The following MDGA2 variants were observed in gnomAD, a reference collection of about 807,000 sequenced individuals.
MDGA2 encodes the protein MAM domain containing glycosylphosphatidylinositol anchor 2.
Under a neutral mutation model 117.8 loss-of-function variants are expected in MDGA2, and 40 were observed. The ratio of observed to expected loss-of-function variants is 0.34; its 90% CI spans 0.26 to 0.44. The LOEUF is 0.44. Ranked by LOEUF, MDGA2 falls within the 20% of genes least tolerant of loss-of-function variation. The pLI is 1.00. For missense variants in MDGA2, 1,123 were observed against 1,250.6 expected (o/e 0.90, Z 1.54); for synonymous variants, 452 against 439.0 (o/e 1.03, Z -0.37).
intron 10 of MDGA2, among the ~76,000 whole-genome samples, chr14:46,889,422 A>G (rs1315653095): frequency 6.6e-6 from 1 of 151,956 alleles, no homozygotes; most frequent in Non-Finnish European, 1.5e-5. Context: ...ATCTTGTATT[A>G]TTTTTCTTAA....
intron 8 of MDGA2, among the ~76,000 whole-genome samples, chr14:46,971,788 G>T (rs1886275727): frequency 6.6e-6 from 1 of 151,972 alleles, no homozygotes; most frequent in South Asian, 2.1e-4. Flanking sequence ...AATATTCAGG[G>T]TAATGGATAG....
intron 5 of MDGA2, among the ~76,000 whole-genome samples, chr14:47,130,835 T>G (rs1566641901): frequency 6.6e-6 from 1 of 152,086 alleles, no homozygotes; most frequent in Non-Finnish European, 1.5e-5. Context: ...CTTTTAGAGA[T>G]TTTTGTTTAA....
chr14:47,624,125 C>CGTA (rs564272520), intron 1 of MDGA2, among the ~76,000 whole-genome samples: 141 of 152,280 alleles, frequency 9.3e-4, no homozygotes, highest in East Asian at 7.1e-3. Flanking sequence ...GTGCTCACAA[C>CGTA]GTAGTAAGGT....
At chr14:47,567,029 T>C (rs1348454944) in intron 1 of MDGA2, among the ~76,000 whole-genome samples, 3 of 151,910 alleles carry the variant, frequency 2.0e-5, no homozygotes, top group Non-Finnish European at 2.9e-5. Context: ...CTCAGCATCC[T>C]GAGTAAATCA....
At chr14:47,526,969 T>A (rs1894985123) in intron 1 of MDGA2, among the ~76,000 whole-genome samples, 1 of 152,188 alleles carries the variant, frequency 6.6e-6, no homozygotes, top group South Asian at 2.1e-4. Context: ...GATTTTGGTA[T>A]GTCATTTTAA....
intron 3 of MDGA2, among the ~76,000 whole-genome samples, chr14:47,180,827 A>G (rs912674542): frequency 6.6e-6 from 1 of 152,156 alleles, no homozygotes; most frequent in African/African-American, 2.4e-5. Flanking sequence ...AGGATGAGGT[A>G]GGAGAATCGC....
Position 47,674,836 on chromosome 14 carries a change from A to T in MDGA2, c.-40T>A, listed in dbSNP as rs1426933973. On this transcript the variant is annotated 5_prime_UTR_variant, in exon 1 of 17. The change creates a new upstream start codon in the 5' untranslated region. Transcript: ENST00000399232. ...ACACACACTCACACACTCTCCCACAACACAATACCCTGACACACACTCACA... is the reference window on the plus strand; with the variant it reads ...ACACACACTCACACACTCTCCCACATCACAATACCCTGACACACACTCACA... 6 of 616,230 alleles carry T rather than the reference A, an allele frequency of 9.7e-6. No homozygotes were observed. Among genetic ancestry groups the T allele is most frequent in the Non-Finnish European group, 1.7e-5 (6 of 348,622 alleles). 38.2% of individuals were successfully genotyped at this position (616,230 alleles called of 1,614,324 possible). A position where few individuals can be genotyped will look rare whatever the true frequency, so the allele number is the denominator to read the frequency against.
At chr14:46,933,634 C>A (rs1884663667) in intron 9 of MDGA2, among the ~76,000 whole-genome samples, 1 of 150,974 alleles carries the variant, frequency 6.6e-6, no homozygotes, top group African/African-American at 2.4e-5. Flanking sequence ...TTAACATATA[C>A]AGAATTTGAG....
At chr14:46,851,992 G>A (rs3007132) in intron 15 of MDGA2, among the ~76,000 whole-genome samples, 151,587 of 151,828 alleles carry the variant, frequency 1, 75,675 homozygotes, top group Middle Eastern at 1. Context: ...GCATGGGATT[G>A]TTTAGTTGTG....
At chr14:47,607,466 T>C (rs1896762716) in intron 1 of MDGA2, among the ~76,000 whole-genome samples, 1 of 152,156 alleles carries the variant, frequency 6.6e-6, no homozygotes, top group African/African-American at 2.4e-5. Flanking sequence ...TTAGGCAAAA[T>C]AAAAATTTAA....
chr14:47,558,502 A>G (rs1895731182), intron 1 of MDGA2, among the ~76,000 whole-genome samples: 1 of 152,226 alleles, frequency 6.6e-6, no homozygotes, highest in African/African-American at 2.4e-5. Context: ...TCCAAAAATA[A>G]TAAGTAAACA....
intron 2 of MDGA2, among the ~76,000 whole-genome samples, chr14:47,222,020 G>C (rs1594735003): frequency 6.6e-6 from 1 of 151,814 alleles, no homozygotes; most frequent in Non-Finnish European, 1.5e-5. Context: ...TTATTAACTA[G>C]AGTCACCATT....
chr14:47,664,457 G>T (rs773652847), intron 1 of MDGA2, among the ~76,000 whole-genome samples: 6 of 152,136 alleles, frequency 3.9e-5, no homozygotes. Context: ...TAAAAATGCA[G>T]CCATAGTTTC....
At chr14:47,470,353 C>A (rs756201588) in intron 1 of MDGA2, among the ~76,000 whole-genome samples, 6 of 148,588 alleles carry the variant, frequency 4.0e-5, no homozygotes, top group Non-Finnish European at 8.9e-5. Context: ...CTTATAGGTG[C>A]GAACATGCGG....
chr14:47,331,565 A>G (rs1230860870), intron 1 of MDGA2, among the ~76,000 whole-genome samples: 1 of 151,934 alleles, frequency 6.6e-6, no homozygotes, highest in Non-Finnish European at 1.5e-5. Flanking sequence ...TTCATACCAC[A>G]TTTCATGCAG....
At chr14:47,068,020 A>T (rs1890145825) in intron 6 of MDGA2, among the ~76,000 whole-genome samples, 1 of 152,118 alleles carries the variant, frequency 6.6e-6, no homozygotes, top group Non-Finnish European at 1.5e-5. Context: ...ACCCTTCCTG[A>T]AAGTGGTTTA....
chr14:46,907,316 G>A (rs975269004), intron 10 of MDGA2, among the ~76,000 whole-genome samples: 2 of 152,042 alleles, frequency 1.3e-5, no homozygotes, highest in Non-Finnish European at 2.9e-5. Flanking sequence ...TGTGGATTTT[G>A]CATTTTCATC....
intron 9 of MDGA2, among the ~76,000 whole-genome samples, chr14:46,951,500 A>G (rs1885369170): frequency 6.6e-6 from 1 of 152,006 alleles, no homozygotes; most frequent in Non-Finnish European, 1.5e-5. Context: ...ATTTTAGCAG[A>G]CTGGAGCTAG....
At chr14:47,573,062 A>G (rs1240167549) in intron 1 of MDGA2, among the ~76,000 whole-genome samples, 3 of 152,130 alleles carry the variant, frequency 2.0e-5, no homozygotes, top group African/African-American at 7.2e-5. Flanking sequence ...ATCCCTATGA[A>G]ACAATACCAA....
Sources: allele counts gnomAD v4.1 joint callset (sites outside exome capture counted in the v4.1 genomes callset), GRCh38; gene constraint gnomAD v4.1.1; transcripts MANE v1.5; gene names NCBI Gene and HGNC (gene_info 2026-07-23, HGNC 2026-07-21).